RGPD2: variants seen among roughly 807,000 people sequenced by gnomAD.
The protein encoded by RGPD2 is RANBP2 like and GRIP domain containing 2, also known as RANBP2-like and GRIP domain-containing protein 2.
RGPD2 carries 2 observed loss-of-function variants against 36.0 expected under a neutral mutation model. That is an observed-to-expected ratio of 0.06 (90% CI 0.02 to 0.17). The LOEUF (loss-of-function observed/expected upper bound fraction) is 0.17. Among genes scored for constraint, RGPD2 ranks in the 10% least tolerant of loss-of-function variants. RGPD2 has a pLI of 1.00. For synonymous variants in RGPD2, 19 were observed against 163.8 expected, an observed-to-expected ratio of 0.12 and a Z score of 6.75; for missense variants, 40 against 464.3, an observed-to-expected ratio of 0.09 and a Z score of 8.40.
At chr2:87,977,434 T>C in the RGPD2 span, among the ~76,000 whole-genome samples, 4 of 149,184 alleles carry the variant, frequency 2.7e-5, no homozygotes, top group South Asian at 8.5e-4. Context: ...TAACTCCAGG[T>C]GTGAAAATAT....
the RGPD2 span, among the ~76,000 whole-genome samples, chr2:87,839,199 T>TA: frequency 1.1e-3 from 162 of 151,882 alleles, 1 homozygote; most frequent in Non-Finnish European, 1.9e-4. Flanking sequence ...CAACCCCATT[T>TA]AAAAAATGGG....
the RGPD2 span, among the ~76,000 whole-genome samples, chr2:87,846,056 A>C: frequency 2.6e-5 from 4 of 151,374 alleles, no homozygotes; most frequent in Non-Finnish European, 5.9e-5. Flanking sequence ...TAAACAGTAC[A>C]TTATATTGTG....
chr2:87,980,176 C>A, the RGPD2 span, among the ~76,000 whole-genome samples: 1 of 151,514 alleles, frequency 6.6e-6, no homozygotes, highest in East Asian at 1.9e-4. Flanking sequence ...CATGGTGAAA[C>A]CCTGTCTCTA....
the RGPD2 span, among the ~76,000 whole-genome samples, chr2:87,964,522 A>G: frequency 6.6e-6 from 1 of 152,278 alleles, no homozygotes; most frequent in East Asian, 1.9e-4. Flanking sequence ...TCTGTGTCAA[A>G]CAAATCTTTC....
the RGPD2 span, among the ~76,000 whole-genome samples, chr2:87,881,161 T>C: frequency 2.6e-5 from 4 of 151,908 alleles, no homozygotes; most frequent in Admixed American, 1.3e-4. Context: ...CATTTCCACT[T>C]ATGTGGCTTT....
chr2:87,858,515 A>G, the RGPD2 span, among the ~76,000 whole-genome samples: 1 of 147,832 alleles, frequency 6.8e-6, no homozygotes, highest in South Asian at 2.2e-4. Context: ...CACTGCAACC[A>G]CAAACTTGCC....
chr2:87,977,893 A>G, the RGPD2 span, among the ~76,000 whole-genome samples: 4 of 152,076 alleles, frequency 2.6e-5, no homozygotes, highest in Non-Finnish European at 5.9e-5. Context: ...AGGCTGGTGG[A>G]TCACTTGAGG....
intron 1 of RGPD2, 51 bp downstream of exon 1, chr2:87,825,607 G>A: frequency 7.1e-7 from 1 of 1,411,074 alleles, no homozygotes; most frequent in Non-Finnish European, 9.5e-7. Context: ...GCCAGGTCGA[G>A]GCCGCCGCCC....
chr2:87,883,637 C>A, the RGPD2 span, among the ~76,000 whole-genome samples: 1 of 151,666 alleles, frequency 6.6e-6, no homozygotes, highest in East Asian at 1.9e-4. Flanking sequence ...TAAAGGGAGA[C>A]AGAAACTGAA....
the RGPD2 span, among the ~76,000 whole-genome samples, chr2:87,915,424 T>C: frequency 7.1e-6 from 1 of 141,602 alleles, no homozygotes; most frequent in South Asian, 2.2e-4. Flanking sequence ...TATATGTATA[T>C]GTATATATGT....
At chr2:87,854,706 G>C in the RGPD2 span, among the ~76,000 whole-genome samples, 3 of 151,986 alleles carry the variant, frequency 2.0e-5, no homozygotes, top group African/African-American at 7.2e-5. Flanking sequence ...TTCATGGCTT[G>C]ATAGCACATC....
At chr2:87,957,370 C>CT in the RGPD2 span, among the ~76,000 whole-genome samples, 134,577 of 148,186 alleles carry the variant, frequency 0.91, 61,517 homozygotes, top group East Asian at 1. Flanking sequence ...GAAAGAGAAC[C>CT]TTTCCAGAAA....
intron 1 of RGPD2, among the ~76,000 whole-genome samples, chr2:87,824,775 A>T (rs1340726348): frequency 4.5e-5 from 1 of 22,364 alleles, no homozygotes; most frequent in African/African-American, 1.3e-4. Flanking sequence ...CCGCCCGGCC[A>T]GGCCGAGGCC....
At chr2:87,844,745 AT>A in the RGPD2 span, among the ~76,000 whole-genome samples, 1 of 151,150 alleles carries the variant, frequency 6.6e-6, no homozygotes, top group African/African-American at 2.4e-5. Flanking sequence ...ATTTGTATTA[AT>A]TTTTTATTTT....
At chr2:87,824,837 C>T (rs1686613870) in intron 1 of RGPD2, 1 of 115,062 alleles carries the variant, frequency 8.7e-6, no homozygotes, top group African/African-American at 3.5e-5. Flanking sequence ...CCGCCGCCGC[C>T]GCCGCCCGGC....
chr2:87,822,390 C>T (rs1480181241), intron 1 of RGPD2, among the ~76,000 whole-genome samples: 3 of 148,656 alleles, frequency 2.0e-5, no homozygotes, highest in Non-Finnish European at 3.0e-5. Context: ...TCCAGAAAAC[C>T]TTTGTTACCA....
At chr2:87,968,858 C>G in the RGPD2 span, 1 of 161,430 alleles carries the variant, frequency 6.2e-6, no homozygotes, top group African/African-American at 2.8e-5. Flanking sequence ...CTTGGGAGCT[C>G]TGTGTGGAAT....
chr2:87,921,361 G>T, the RGPD2 span, among the ~76,000 whole-genome samples: 1 of 152,182 alleles, frequency 6.6e-6, no homozygotes, highest in African/African-American at 2.4e-5. Context: ...ATGAAGTGTG[G>T]TGGCTAGGAG....
the RGPD2 span, among the ~76,000 whole-genome samples, chr2:87,836,398 G>T: frequency 6.6e-6 from 1 of 151,862 alleles, no homozygotes; most frequent in African/African-American, 2.4e-5. Flanking sequence ...GCCAACAATG[G>T]ACCATTCAGC....
Sources: allele counts gnomAD v4.1 joint callset (sites outside exome capture counted in the v4.1 genomes callset), GRCh38; gene constraint gnomAD v4.1.1; transcripts MANE v1.5; gene names NCBI Gene and HGNC (gene_info 2026-07-23, HGNC 2026-07-21).